The following ROR2 variants were observed in gnomAD, a reference collection of about 807,000 sequenced individuals.
The protein encoded by ROR2 is ROR family WNT receptor 2.
Under a neutral mutation model 74.9 loss-of-function variants are expected in ROR2, and 33 were observed. That is an observed-to-expected ratio of 0.44 (90% CI 0.33 to 0.59). The LOEUF is 0.59. Among genes scored for constraint, ROR2 ranks in the 20% least tolerant of loss-of-function variants. The pLI is 0.02. For missense variants in ROR2, 1,216 were observed against 1,313.8 expected (o/e 0.93, Z 1.15); for synonymous variants, 586 against 558.7 (o/e 1.05, Z -0.69).
At chr9:91,867,656 C>G (rs867112154) in intron 1 of ROR2, among the ~76,000 whole-genome samples, 1 of 131,288 alleles carries the variant, frequency 7.6e-6, no homozygotes, top group African/African-American at 2.9e-5. Context: ...CACCCATGAG[C>G]TGTGTGTGTG....
intron 1 of ROR2, among the ~76,000 whole-genome samples, chr9:91,853,935 A>G (rs1017580665): frequency 2.0e-5 from 3 of 152,188 alleles, no homozygotes; most frequent in African/African-American, 7.2e-5. Flanking sequence ...AATATCTGTA[A>G]TATTTCCATC....
chr9:91,895,701 G>A (rs1461637235), intron 1 of ROR2, among the ~76,000 whole-genome samples: 1 of 152,166 alleles, frequency 6.6e-6, no homozygotes. Flanking sequence ...AATTTAGGCG[G>A]GCATGATGGC....
intron 2 of ROR2, among the ~76,000 whole-genome samples, chr9:91,769,595 G>A (rs757402637): frequency 4.6e-5 from 7 of 151,988 alleles, no homozygotes; most frequent in Non-Finnish European, 5.9e-5. Flanking sequence ...TGCTCTGAGC[G>A]GGACTCTACG....
At chr9:91,800,803 G>A (rs900175890) in intron 1 of ROR2, among the ~76,000 whole-genome samples, 2 of 152,196 alleles carry the variant, frequency 1.3e-5, no homozygotes, top group South Asian at 2.1e-4. Context: ...AAAGAGACTC[G>A]TTATTTGTGC....
chr9:91,854,280 G>A (rs1452738842), intron 1 of ROR2, among the ~76,000 whole-genome samples: 1 of 152,240 alleles, frequency 6.6e-6, no homozygotes, highest in Non-Finnish European at 1.5e-5. Context: ...ACCCTGGCCA[G>A]GAAAGTCCTG....
chr9:91,795,871 C>T (rs551053998), intron 1 of ROR2, among the ~76,000 whole-genome samples: 1 of 152,154 alleles, frequency 6.6e-6, no homozygotes, highest in African/African-American at 2.4e-5. Flanking sequence ...AATGTACATA[C>T]AGGTGGGACA....
intron 1 of ROR2, among the ~76,000 whole-genome samples, chr9:91,789,871 A>G (rs1826915232): frequency 6.6e-6 from 1 of 152,208 alleles, no homozygotes; most frequent in Non-Finnish European, 1.5e-5. Context: ...AAGGCAAATC[A>G]AAACACCAAG....
intron 1 of ROR2, chr9:91,948,644 G>C (rs1201776028): frequency 1.9e-5 from 19 of 985,418 alleles, no homozygotes; most frequent in Non-Finnish European, 2.0e-5. Context: ...GATACCTGGA[G>C]CGCGCAGCTC....
At chr9:91,780,165 G>A (rs1325287712) in intron 1 of ROR2, among the ~76,000 whole-genome samples, 1 of 152,014 alleles carries the variant, frequency 6.6e-6, no homozygotes, top group Admixed American at 6.6e-5. Context: ...GCCAAGGCGG[G>A]TGGATCACGA....
intron 1 of ROR2, among the ~76,000 whole-genome samples, chr9:91,830,390 T>C (rs1481823104): frequency 6.6e-6 from 1 of 152,184 alleles, no homozygotes; most frequent in Non-Finnish European, 1.5e-5. Context: ...GAGGATCACT[T>C]GAGTCCAGGA....
intron 1 of ROR2, among the ~76,000 whole-genome samples, chr9:91,875,729 C>T (rs1829936887): frequency 6.6e-6 from 1 of 152,108 alleles, no homozygotes; most frequent in Admixed American, 6.5e-5. Flanking sequence ...CAGAAATGTA[C>T]AGAAGAAAGC....
intron 1 of ROR2, among the ~76,000 whole-genome samples, chr9:91,797,701 C>A (rs1827222943): frequency 1.7e-5 from 1 of 57,186 alleles, no homozygotes; most frequent in Non-Finnish European, 3.1e-5. Context: ...AGGGCTGACA[C>A]CCTGGGCTCT....
At chr9:91,790,708 A>G (rs1464917274) in intron 1 of ROR2, among the ~76,000 whole-genome samples, 1 of 152,180 alleles carries the variant, frequency 6.6e-6, no homozygotes, top group African/African-American at 2.4e-5. Flanking sequence ...AGAAGGCATT[A>G]TTATCACAGG....
At chr9:91,878,038 T>G (rs1022411302) in intron 1 of ROR2, among the ~76,000 whole-genome samples, 19 of 151,050 alleles carry the variant, frequency 1.3e-4, no homozygotes, top group African/African-American at 4.7e-4. Flanking sequence ...ATTTCCAGAG[T>G]GTTCAGAACT....
chr9:91,780,663 T>G (rs1587712415), intron 1 of ROR2, among the ~76,000 whole-genome samples: 1 of 150,772 alleles, frequency 6.6e-6, no homozygotes, highest in South Asian at 2.1e-4. Flanking sequence ...TGGTGGCAGG[T>G]GCCTGTAATC....
At chr9:91,819,442 C>G (rs901620470) in intron 1 of ROR2, among the ~76,000 whole-genome samples, 3 of 151,920 alleles carry the variant, frequency 2.0e-5, no homozygotes, top group Admixed American at 1.3e-4. Flanking sequence ...TGTGTGTGTT[C>G]TGTGTGTGTC....
At chr9:91,819,006 T>C (rs1455481847) in intron 1 of ROR2, among the ~76,000 whole-genome samples, 1 of 152,144 alleles carries the variant, frequency 6.6e-6, no homozygotes, top group Non-Finnish European at 1.5e-5. Context: ...GAACCCACGG[T>C]CCCCACAGCT....
At chr9:91,926,255 C>T (rs976670883) in intron 1 of ROR2, among the ~76,000 whole-genome samples, 8 of 151,292 alleles carry the variant, frequency 5.3e-5, no homozygotes, top group Admixed American at 1.3e-4. Context: ...ATGTGGCGGG[C>T]GCCTGTAGTC....
At chr9:91,816,940 C>A (rs537556157) in intron 1 of ROR2, among the ~76,000 whole-genome samples, 2 of 152,310 alleles carry the variant, frequency 1.3e-5, no homozygotes, top group African/African-American at 4.8e-5. Flanking sequence ...GATCTTAAAT[C>A]TCCTAAAAAT....
Sources: allele counts gnomAD v4.1 joint callset (sites outside exome capture counted in the v4.1 genomes callset), GRCh38; gene constraint gnomAD v4.1.1; transcripts MANE v1.5; gene names NCBI Gene and HGNC (gene_info 2026-07-23, HGNC 2026-07-21).